Variants in EFCAB5 observed in about 807,000 individuals in gnomAD.
EFCAB5 encodes EF-hand calcium-binding domain-containing protein 5.
Under a neutral mutation model 167.9 loss-of-function variants are expected in EFCAB5, and 131 were observed. The ratio of observed to expected loss-of-function variants is 0.78; its 90% CI spans 0.68 to 0.90. EFCAB5 has a LOEUF of 0.90. EFCAB5 is among the 40% of genes least tolerant of loss of function. The probability of loss-of-function intolerance (pLI) is 0.00; values close to 1 mark genes in which losing one functional copy is unlikely to be tolerated. For missense variants in EFCAB5, 1,663 were observed against 1,745.2 expected, an observed-to-expected ratio of 0.95 and a Z score of 0.84; for synonymous variants, 574 against 602.8, an observed-to-expected ratio of 0.95 and a Z score of 0.70.
chr17:29,994,285 A>G (rs2068498820), intron 5 of EFCAB5, among the ~76,000 whole-genome samples: 2 of 151,038 alleles, frequency 1.3e-5, no homozygotes, highest in South Asian at 4.2e-4. Flanking sequence ...AAATGTTTTT[A>G]AAAATGGACT....
chr17:30,101,073 T>G (rs1744743349), intron 22 of EFCAB5, among the ~76,000 whole-genome samples: 2 of 152,202 alleles, frequency 1.3e-5, no homozygotes, highest in South Asian at 4.1e-4. Context: ...TCATAATGTC[T>G]TGATTTTATG....
At chr17:30,062,869 A>G (rs547004562) in intron 14 of EFCAB5, among the ~76,000 whole-genome samples, 182 of 152,288 alleles carry the variant, frequency 1.2e-3, no homozygotes, top group African/African-American at 4.2e-3. Flanking sequence ...CACTCAAAGC[A>G]GTCATTCCTC....
chr17:30,004,646 A>T, intron 7 of EFCAB5, among the ~76,000 whole-genome samples: 2 of 133,962 alleles, frequency 1.5e-5, no homozygotes, highest in Admixed American at 7.7e-5. Flanking sequence ...TTTGAGATGG[A>T]GTCTTGCTCT....
chr17:30,013,416 T>C (rs1053779454), intron 7 of EFCAB5, among the ~76,000 whole-genome samples: 11 of 152,214 alleles, frequency 7.2e-5, no homozygotes, highest in African/African-American at 2.4e-4. Context: ...AATTCGGCTG[T>C]GAATCCATCT....
rs573541467 is a variant in EFCAB5 at position 29,932,363 on chromosome 17, C to T, written c.-127+3034C>T. ...ACGGGGTTTCACCGTATTGGCCAGG[C>T]TGGTCTCGAACTCCTGTCCTCAAGT... On this transcript the variant is annotated intron_variant, in intron 1 of 3. Transcript: ENST00000448319. Among the ~76,000 whole-genome samples, 8 of 149,632 alleles carry T rather than the reference C, an allele frequency of 5.3e-5. No homozygotes were observed. In the Admixed American group the frequency reaches 5.4e-4, roughly 10 times the overall value.
intron 3 of EFCAB5, among the ~76,000 whole-genome samples, chr17:29,944,163 A>C (rs1567669377): frequency 1.3e-5 from 2 of 152,080 alleles, no homozygotes; most frequent in Non-Finnish European, 2.9e-5. Context: ...GCAGATTCAA[A>C]GTCCTGGGTT....
chr17:30,057,962 C>T (rs1742340196), intron 13 of EFCAB5, 72 bp downstream of exon 13: 3 of 1,371,804 alleles, frequency 2.2e-6, no homozygotes, highest in Non-Finnish European at 3.0e-6. Flanking sequence ...CTCAGTTGCT[C>T]CCGATGTGGC....
chr17:29,950,340 CT>C (rs982985050), intron 3 of EFCAB5, among the ~76,000 whole-genome samples: 4 of 150,676 alleles, frequency 2.7e-5, no homozygotes, highest in Non-Finnish European at 5.9e-5. Context: ...TCCCTCCTTC[CT>C]TCCTCCTCCC....
intron 7 of EFCAB5, among the ~76,000 whole-genome samples, chr17:30,006,247 G>A (rs1013738651): frequency 1.6e-4 from 24 of 151,992 alleles, no homozygotes; most frequent in Admixed American, 1.4e-3. Flanking sequence ...ATTTTTCAAC[G>A]TTTCTCAATT....
At chr17:29,976,348 G>T (rs1597608952) in intron 4 of EFCAB5, among the ~76,000 whole-genome samples, 1 of 152,110 alleles carries the variant, frequency 6.6e-6, no homozygotes, top group African/African-American at 2.4e-5. Flanking sequence ...TTAGTTAAAG[G>T]TTGCTCTATT....
rs769716670 is a variant in EFCAB5 at position 30,034,272 on chromosome 17, G to C, written c.1087G>C (p.Glu363Gln). The C allele has an allele frequency of 6.2e-7, 1 of 1,613,978 alleles. No individual in the cohort carries two copies. The highest frequency in any genetic ancestry group is 1.1e-5 in the South Asian group (1 of 91,088). ...HIKDLKSEMF[E>Q]ELLKHLCHSA... ...TAAAGACTTGAAGAGTGAAATGTTT[G>C]AGGAACTTCTTAAGCACCTTTGCCA... Residue 363 changes from glutamate to glutamine, a missense_variant, in exon 8 of 23, where the codon GAG (glutamate) becomes CAG (glutamine). Physicochemically the swap from Glu to Gln is conservative, Grantham distance 29 (BLOSUM62 2). Transcript: ENST00000394835.
intron 22 of EFCAB5, among the ~76,000 whole-genome samples, chr17:30,106,613 CG>C (rs1385421096): frequency 6.6e-6 from 1 of 152,068 alleles, no homozygotes; most frequent in Non-Finnish European, 1.5e-5. Flanking sequence ...CCCACCACCA[CG>C]CCTGGCTAAT....
chr17:30,012,205 C>T (rs569381860), intron 7 of EFCAB5, among the ~76,000 whole-genome samples: 7 of 152,200 alleles, frequency 4.6e-5, no homozygotes, highest in South Asian at 2.1e-4. Flanking sequence ...CTTAGCAGAT[C>T]GGGAAAGGGA....
Position 30,090,413 on chromosome 17 carries a change from G to A in EFCAB5, c.3684-8G>A. 1 of 1,609,240 alleles carries A rather than the reference G, an allele frequency of 6.2e-7. No individual in the cohort carries two copies. The stretch of plus-strand genomic sequence containing the variant: ...AATATCCTTGTGCTTATTTGGTTTT[G>A]ATTTCAGAGATTTCCTCTTTAAATG... On this transcript the variant is annotated splice_region_variant and splice_polypyrimidine_tract_variant and intron_variant, in intron 19 of 22. Coordinates refer to ENST00000394835, the MANE Select transcript of EFCAB5 (RefSeq NM_198529.4).
intron 8 of EFCAB5, among the ~76,000 whole-genome samples, chr17:30,043,799 C>G (rs923577412): frequency 1.4e-4 from 22 of 152,156 alleles, no homozygotes; most frequent in African/African-American, 5.3e-4. Context: ...TATTGTTAGT[C>G]CCCAAATTGA....
At chr17:29,967,529 G>A (rs1026524597) in intron 3 of EFCAB5, among the ~76,000 whole-genome samples, 1 of 152,168 alleles carries the variant, frequency 6.6e-6, no homozygotes, top group Non-Finnish European at 1.5e-5. Context: ...AAATTTTATA[G>A]TGGTCTCCAC....
rs758169386 is a variant in EFCAB5 at position 30,078,504 on chromosome 17, G to A, written c.3027G>A (p.Gln1009=). 12 of 1,577,402 alleles carry A rather than the reference G, an allele frequency of 7.6e-6. No homozygotes were observed. The highest frequency in any genetic ancestry group is 1.0e-5 in the Non-Finnish European group (12 of 1,160,126). Residue 1009 remains glutamine, a splice_region_variant and synonymous_variant, in exon 15 of 23, where the codon CAG becomes CAA. Coordinates refer to ENST00000394835, the MANE Select transcript of EFCAB5 (RefSeq NM_198529.4). The part of the protein sequence containing the change: ...VYSETFKALM[Q]DAEAHGNKKI... ...GTGAGACCTTTAAGGCCCTCATGCAGGTACGTTTCCTAAAGCAGTATGTAA... is the reference window on the plus strand; with the variant it reads ...GTGAGACCTTTAAGGCCCTCATGCAAGTACGTTTCCTAAAGCAGTATGTAA...
intron 3 of EFCAB5, among the ~76,000 whole-genome samples, chr17:29,946,665 C>T (rs1377058336): frequency 6.6e-6 from 1 of 151,772 alleles, no homozygotes; most frequent in Non-Finnish European, 1.5e-5. Context: ...GTCTCGATCT[C>T]CTGACCTCGT....
chr17:30,065,421 C>T (rs1055961307), intron 14 of EFCAB5, among the ~76,000 whole-genome samples: 5 of 152,042 alleles, frequency 3.3e-5, no homozygotes, highest in African/African-American at 4.8e-5. Context: ...CCCAGCATTT[C>T]GGGAGCTGAG....
Sources: allele counts gnomAD v4.1 joint callset (sites outside exome capture counted in the v4.1 genomes callset), GRCh38; gene constraint gnomAD v4.1.1; transcripts MANE v1.5; gene names NCBI Gene and HGNC (gene_info 2026-07-23, HGNC 2026-07-21).